The following PAPPA2 variants were observed in gnomAD, a reference collection of about 807,000 sequenced individuals.
PAPPA2 encodes pappalysin-2.
Under a neutral mutation model 176.4 loss-of-function variants are expected in PAPPA2, and 86 were observed. The observed-to-expected ratio is 0.49, with a 90% confidence interval of 0.41 to 0.58. The LOEUF (loss-of-function observed/expected upper bound fraction) is 0.58. Ranked by LOEUF, PAPPA2 falls within the 20% of genes least tolerant of loss-of-function variation. The probability of loss-of-function intolerance (pLI) is 0.00; values close to 1 mark genes in which losing one functional copy is unlikely to be tolerated. For missense variants in PAPPA2, 2,073 were observed against 2,256.9 expected, an observed-to-expected ratio of 0.92 and a Z score of 1.65; for synonymous variants, 809 against 852.2, an observed-to-expected ratio of 0.95 and a Z score of 0.88.
At chr1:176,784,162 C>T (rs867391112) in intron 17 of PAPPA2, among the ~76,000 whole-genome samples, 1 of 152,186 alleles carries the variant, frequency 6.6e-6, no homozygotes, top group Non-Finnish European at 1.5e-5. Context: ...ATGGAGGGTA[C>T]TTGGCATGGG....
chr1:176,491,666 GT>G (rs1447694124), intron 1 of PAPPA2, among the ~76,000 whole-genome samples: 5 of 152,152 alleles, frequency 3.3e-5, no homozygotes, highest in Non-Finnish European at 5.9e-5. Flanking sequence ...TATATGTATG[GT>G]AAAGGTAGAC....
At chr1:176,713,683 AG>A (rs1661241890) in intron 12 of PAPPA2, among the ~76,000 whole-genome samples, 1 of 152,132 alleles carries the variant, frequency 6.6e-6, no homozygotes, top group Non-Finnish European at 1.5e-5. Context: ...CAGTCCCCCC[AG>A]GCCCAAAGAC....
intron 2 of PAPPA2, among the ~76,000 whole-genome samples, chr1:176,577,442 G>C (rs906915257): frequency 1.3e-5 from 2 of 152,148 alleles, no homozygotes; most frequent in African/African-American, 4.8e-5. Flanking sequence ...CTGGAAAGGT[G>C]CTAGTGAAAC....
chr1:176,542,968 T>A (rs1391940555), intron 1 of PAPPA2, among the ~76,000 whole-genome samples: 1 of 152,232 alleles, frequency 6.6e-6, no homozygotes. Flanking sequence ...CAGTATGAGT[T>A]CTTTTAATTC....
At chr1:176,683,610 T>G (rs965855131) in intron 4 of PAPPA2, among the ~76,000 whole-genome samples, 3 of 152,142 alleles carry the variant, frequency 2.0e-5, no homozygotes, top group Non-Finnish European at 4.4e-5. Flanking sequence ...TGGAGATGGC[T>G]TATATGTGCC....
chr1:176,830,153 G>A (rs1667029322), intron 21 of PAPPA2, among the ~76,000 whole-genome samples: 1 of 152,164 alleles, frequency 6.6e-6, no homozygotes, highest in South Asian at 2.1e-4. Flanking sequence ...AGGATTGCTT[G>A]AGCCCAAGGG....
At chr1:176,823,863 A>C (rs971921582) in intron 21 of PAPPA2, among the ~76,000 whole-genome samples, 2 of 152,148 alleles carry the variant, frequency 1.3e-5, no homozygotes, top group Non-Finnish European at 2.9e-5. Flanking sequence ...AGAAGGTAGG[A>C]TGTATAGTCT....
At chr1:176,488,186 A>G (rs12125790) in intron 1 of PAPPA2, among the ~76,000 whole-genome samples, 1 of 151,874 alleles carries the variant, frequency 6.6e-6, no homozygotes, top group African/African-American at 2.4e-5. Context: ...CCTTGTTTTT[A>G]TTTTTTATTT....
At chr1:176,584,313 G>A (rs1273104487) in intron 2 of PAPPA2, among the ~76,000 whole-genome samples, 4 of 151,894 alleles carry the variant, frequency 2.6e-5, no homozygotes, top group African/African-American at 7.3e-5. Context: ...ATATATCTGG[G>A]TGCTCTTGTA....
At chr1:176,570,437 T>C (rs1429506405) in intron 2 of PAPPA2, among the ~76,000 whole-genome samples, 1 of 152,214 alleles carries the variant, frequency 6.6e-6, no homozygotes, top group Non-Finnish European at 1.5e-5. Flanking sequence ...TTACTATTTT[T>C]GAAATTAACT....
intron 8 of PAPPA2, 122 bp downstream of exon 8, chr1:176,699,711 G>A: frequency 6.9e-7 from 1 of 1,439,320 alleles, no homozygotes. Flanking sequence ...ACTTTCAGAG[G>A]GGATTTTACC....
intron 6 of PAPPA2, among the ~76,000 whole-genome samples, chr1:176,693,139 C>G (rs2102809816): frequency 6.6e-6 from 1 of 152,280 alleles, no homozygotes; most frequent in Middle Eastern, 3.4e-3. Flanking sequence ...GACCAGAACC[C>G]CTTCTGTGAC....
intron 4 of PAPPA2, among the ~76,000 whole-genome samples, chr1:176,677,411 G>T (rs1254265658): frequency 6.6e-6 from 1 of 152,146 alleles, no homozygotes; most frequent in Non-Finnish European, 1.5e-5. Context: ...TTGTCATCTT[G>T]ATTTGCCATC....
At chr1:176,464,204 T>G (rs893841388) in intron 1 of PAPPA2, among the ~76,000 whole-genome samples, 10 of 152,202 alleles carry the variant, frequency 6.6e-5, no homozygotes, top group Admixed American at 1.3e-4. Flanking sequence ...GCCTATGACC[T>G]CATACTCTCC....
At chr1:176,638,410 G>C (rs1656855800) in intron 3 of PAPPA2, among the ~76,000 whole-genome samples, 1 of 152,040 alleles carries the variant, frequency 6.6e-6, no homozygotes, top group Admixed American at 6.6e-5. Flanking sequence ...GATATTTGGT[G>C]GGTTTTGTTG....
In PAPPA2 at chr1:176,699,448, A is replaced by G; in HGVS notation, c.3095A>G (p.Asp1032Gly). ...ACCTTTGATGAGAGGATAGAGATTG[A>G]TGCAGCACTCCTGACTTCTCAGCCC... The part of the protein sequence containing the change: ...VYTFDERIEI[D>G]AALLTSQPHS... Residue 1032 changes from aspartate to glycine, a missense_variant, in exon 8 of 23, where the codon GAT becomes GGT. By Grantham distance (94) the Asp-to-Gly change is moderately conservative. Coordinates refer to ENST00000367662, the MANE Select transcript of PAPPA2 (RefSeq NM_020318.3). The G allele has an allele frequency of 6.2e-7, 1 of 1,614,092 alleles. No homozygotes were observed. The highest frequency in any genetic ancestry group is 8.5e-7 in the Non-Finnish European group (1 of 1,180,006).
At chr1:176,739,137 A>G (rs947228146) in intron 12 of PAPPA2, among the ~76,000 whole-genome samples, 1 of 152,168 alleles carries the variant, frequency 6.6e-6, no homozygotes, top group Non-Finnish European at 1.5e-5. Flanking sequence ...AGGTTCTGAT[A>G]AAAATTTTGG....
Position 176,695,966 on chromosome 1 carries a change from ATGTGTGTGTGTGTG to A in PAPPA2, c.2746+135_2746+148del, listed in dbSNP as rs67178111. Reference sequence around the variant, plus strand: ...GGTGACAAAAAGGCAATGTATGTGTATGTGTGTGTGTGTGTGTGTGTGTGTGTGTGTGTGTGTGT... The same window carrying A: ...GGTGACAAAAAGGCAATGTATGTGTATGTGTGTGTGTGTGTGTGTGTGTGT... On this transcript the variant is annotated intron_variant, in intron 7 of 22. Coordinates refer to ENST00000367662, the MANE Select transcript of PAPPA2 (RefSeq NM_020318.3). The A allele has an allele frequency of 9.0e-3, 7,752 of 865,652 alleles. 119 individuals carry two copies. Among genetic ancestry groups the A allele is most frequent in the Admixed American group, 0.083 (3,596 of 43,426 alleles). 53.6% of individuals were successfully genotyped at this position (865,652 alleles called of 1,614,324 possible). A position where few individuals can be genotyped will look rare whatever the true frequency, so the allele number is the denominator to read the frequency against.
At position 176,623,740 on chromosome 1, in the gene PAPPA2, CTCTCTCT is replaced by C. The variant is rs1367376881; in HGVS notation, c.1991+28147_1991+28153del. 5.4e-5 allele frequency among the ~76,000 whole-genome samples: 5 copies of C among 92,358 alleles called. No homozygotes were observed. In the East Asian group the frequency reaches 1.5e-3, roughly 28 times the overall value. 60.6% of individuals were successfully genotyped at this position (92,358 alleles called of 152,430 possible). A position where few individuals can be genotyped will look rare whatever the true frequency, so the allele number is the denominator to read the frequency against. ...TTTCTTTCTTTCTCTTTCTTTCTTT[CTCTCTCT>C]TTCCTTCCTTCCTTTCTTTCTTTCT... On this transcript the variant is annotated intron_variant, in intron 3 of 22. Transcript: ENST00000367662.
Sources: gnomAD v4.1 joint callset for allele counts (sites outside exome capture counted in the v4.1 genomes callset) on GRCh38, gnomAD v4.1.1 for gene constraint, MANE v1.5 for transcripts, NCBI Gene and HGNC (gene_info 2026-07-23, HGNC 2026-07-21) for gene names.